ZFHX3: variants seen among roughly 807,000 people sequenced by gnomAD.
ZFHX3 encodes the protein zinc finger homeobox 3.
Under a neutral mutation model 279.1 loss-of-function variants are expected in ZFHX3, and 42 were observed. The ratio of observed to expected loss-of-function variants is 0.15; its 90% confidence interval spans 0.12 to 0.19. ZFHX3 has a LOEUF of 0.19. ZFHX3 is among the 10% of genes least tolerant of loss of function. ZFHX3 has a pLI of 1.00. For synonymous variants in ZFHX3, 2,293 were observed against 1,957.8 expected (o/e 1.17, Z -4.52); for missense variants, 4,981 against 4,754.0 (o/e 1.05, Z -1.40).
chr16:73,839,755 C>G (rs752565463), intron 1 of ZFHX3, among the ~76,000 whole-genome samples: 1 of 152,170 alleles, frequency 6.6e-6, no homozygotes. Context: ...GATCTCTCAG[C>G]GGGCTAGTCC....
chr16:73,375,916 G>C (rs1010643062), intron 3 of ZFHX3, among the ~76,000 whole-genome samples: 1 of 152,086 alleles, frequency 6.6e-6, no homozygotes, highest in Non-Finnish European at 1.5e-5. Context: ...CCATCCACTG[G>C]ATACACCGTT....
At chr16:73,670,545 TG>T (rs1257395690) in intron 2 of ZFHX3, among the ~76,000 whole-genome samples, 9 of 152,188 alleles carry the variant, frequency 5.9e-5, no homozygotes, top group Admixed American at 2.6e-4. Flanking sequence ...AAAGTAGAAA[TG>T]TAGCATGAAG....
chr16:73,404,835 A>G (rs897126690), intron 3 of ZFHX3, among the ~76,000 whole-genome samples: 4 of 152,190 alleles, frequency 2.6e-5, no homozygotes, highest in African/African-American at 9.6e-5. Context: ...AGTGTTTCCC[A>G]GGTGGAAGGC....
At chr16:73,084,031 C>T (rs28447478) in intron 8 of ZFHX3, among the ~76,000 whole-genome samples, 28,650 of 152,046 alleles carry the variant, frequency 0.19, 6,045 homozygotes, top group African/African-American at 0.52. Flanking sequence ...TAGTGACAAC[C>T]GACATCTCAT....
intron 4 of ZFHX3, among the ~76,000 whole-genome samples, chr16:72,831,164 G>A (rs1043422831): frequency 6.6e-6 from 1 of 152,106 alleles, no homozygotes; most frequent in Non-Finnish European, 1.5e-5. Context: ...TCTCACGAAG[G>A]AAGTAACAGG....
At chr16:73,132,788 A>C (rs1381133398) in intron 6 of ZFHX3, among the ~76,000 whole-genome samples, 1 of 152,214 alleles carries the variant, frequency 6.6e-6, no homozygotes, top group Admixed American at 6.5e-5. Flanking sequence ...GCCTCAGTTC[A>C]GGTTCAACCT....
At position 73,472,624 on chromosome 16, in the gene ZFHX3, G is replaced by GAGAA. The variant is rs2018689433; in HGVS notation, c.-1546-16367_-1546-16366insTTCT. Among the ~76,000 whole-genome samples, 6 of 152,314 alleles carry GAGAA rather than the reference G, an allele frequency of 3.9e-5. 1 individual carries two copies. In the South Asian group the frequency reaches 1.2e-3, roughly 32 times the overall value. ...TCCCTCCTTCTCCGTCCTACCGTCT[G>GAGAA]TGCCATGAGACTGGCCTCTCCAGAC... On this transcript the variant is annotated intron_variant, in intron 2 of 17. Transcript: ENST00000641206.
chr16:73,780,499 G>C (rs1164359299), intron 1 of ZFHX3, among the ~76,000 whole-genome samples: 2 of 151,284 alleles, frequency 1.3e-5, no homozygotes, highest in African/African-American at 4.9e-5. Context: ...CTGGAGTACA[G>C]TGGCATGATC....
chr16:73,127,631 G>GTT (rs1315859758), intron 7 of ZFHX3: 1 of 1,264,342 alleles, frequency 7.9e-7, no homozygotes, highest in Admixed American at 2.8e-5. Context: ...ACAGGGTGCA[G>GTT]ACTGGATGTT....
chr16:72,894,434 T>A (rs1057125194), intron 3 of ZFHX3, among the ~76,000 whole-genome samples: 2 of 152,178 alleles, frequency 1.3e-5, no homozygotes, highest in African/African-American at 4.8e-5. Context: ...CGCGACCCTG[T>A]TGGTCAGATC....
At chr16:73,063,334 G>C (rs1035271471), upstream of ZFHX3, among the ~76,000 whole-genome samples, 3 of 152,212 alleles carry the variant, frequency 2.0e-5, no homozygotes, top group African/African-American at 7.2e-5. Flanking sequence ...GAGATAGGGA[G>C]GGAGAAACTA....
intron 5 of ZFHX3, among the ~76,000 whole-genome samples, chr16:73,185,208 T>C (rs1019543186): frequency 2.0e-5 from 3 of 152,208 alleles, no homozygotes; most frequent in Admixed American, 2.0e-4. Flanking sequence ...AGAATGATGT[T>C]GAGGGCATAG....
intron 5 of ZFHX3, among the ~76,000 whole-genome samples, chr16:73,170,153 GA>G (rs1266510032): frequency 1.4e-5 from 2 of 147,498 alleles, no homozygotes; most frequent in African/African-American, 5.0e-5. Flanking sequence ...CGAAAGTGCA[GA>G]CAGTCCATAA....
intron 5 of ZFHX3, among the ~76,000 whole-genome samples, chr16:73,157,153 T>A (rs1325989336): frequency 6.6e-6 from 1 of 152,184 alleles, no homozygotes; most frequent in Admixed American, 6.5e-5. Flanking sequence ...GTCATGAATG[T>A]GGTCATTTGA....
chr16:72,975,526 T>C (rs1962312178), intron 1 of ZFHX3, among the ~76,000 whole-genome samples: 1 of 152,164 alleles, frequency 6.6e-6, no homozygotes, highest in Admixed American at 6.5e-5. Context: ...CATGTCCCCT[T>C]CTTCATGGCC....
intron 7 of ZFHX3, among the ~76,000 whole-genome samples, chr16:73,095,495 G>C (rs1007223692): frequency 1.3e-5 from 2 of 152,170 alleles, no homozygotes; most frequent in African/African-American, 4.8e-5. Flanking sequence ...TCGACAACTG[G>C]CATGTTGCCC....
chr16:73,533,674 T>A (rs982563164), intron 2 of ZFHX3, among the ~76,000 whole-genome samples: 2 of 152,146 alleles, frequency 1.3e-5, no homozygotes, highest in Admixed American at 1.3e-4. Context: ...TAAGTCCAAC[T>A]GTTTTTCTCC....
intron 3 of ZFHX3, among the ~76,000 whole-genome samples, chr16:73,355,662 G>A (rs778715522): frequency 2.0e-5 from 3 of 152,210 alleles, no homozygotes; most frequent in Non-Finnish European, 4.4e-5. Flanking sequence ...AGGGAGGACA[G>A]ATCAAGGACC....
intron 4 of ZFHX3, among the ~76,000 whole-genome samples, chr16:73,277,525 A>C (rs1285261074): frequency 2.0e-5 from 3 of 152,172 alleles, no homozygotes; most frequent in Non-Finnish European, 4.4e-5. Context: ...CAACTCCCCA[A>C]ATTGTCGATG....
Sources: gnomAD v4.1 joint callset for allele counts (sites outside exome capture counted in the v4.1 genomes callset) on GRCh38, gnomAD v4.1.1 for gene constraint, MANE v1.5 for transcripts, NCBI Gene and HGNC (gene_info 2026-07-23, HGNC 2026-07-21) for gene names.